KIR2DL4: variants seen among roughly 807,000 people sequenced by gnomAD.
KIR2DL4 encodes killer cell immunoglobulin-like receptor 2DL4.
In KIR2DL4, 41 loss-of-function variants were observed where a neutral mutation model predicts 31.0. The ratio of observed to expected loss-of-function variants is 1.32; its 90% CI spans 1.03 to 1.72. KIR2DL4 has a LOEUF of 1.72. Ranked by LOEUF, KIR2DL4 falls within the 40% of genes most tolerant of loss-of-function variation. The pLI is 0.00. For missense variants in KIR2DL4, 438 were observed against 353.7 expected (o/e 1.24, Z -1.91); for synonymous variants, 164 against 133.6 (o/e 1.23, Z -1.57).
At position 54,803,967 on chromosome 19, in the gene KIR2DL4, A is replaced by G. The variant is rs754542587; in HGVS notation, c.76+41A>G. 5 of 1,576,300 alleles carry G rather than the reference A, an allele frequency of 3.2e-6. No individual in the cohort carries two copies. The East Asian group carries it at 6.7e-5, about 21-fold the overall frequency. On this transcript the variant is annotated intron_variant, in intron 2 of 7. Transcript: ENST00000359085. The stretch of plus-strand genomic sequence containing the variant: ...AATGATGGGTTGCCATCTTCACCCC[A>G]ATACAAGTGAATTTTCCAGAAATGG...
At chr19:54,809,926 C>T (rs2060756454) in intron 5 of KIR2DL4, among the ~76,000 whole-genome samples, 2 of 149,640 alleles carry the variant, frequency 1.3e-5, no homozygotes, top group Admixed American at 6.7e-5. Flanking sequence ...CAAGATATGG[C>T]GACTAGGACA....
rs373012127 is a variant in KIR2DL4, at chr19:54,804,822, T to C, written c.106T>C (p.Trp36Arg). 5.6e-6 allele frequency: 9 copies of C among 1,612,212 alleles called. No homozygotes were observed. In the African/African-American group the frequency reaches 1.2e-4, roughly 22 times the overall value. The change falls in exon 3 of 8, where the codon TGG (tryptophan) becomes CGG (arginine). Residue 36 changes from tryptophan (W) to arginine (R), a missense_variant. By Grantham distance (101) the Trp-to-Arg change is moderately radical (BLOSUM62 -3). Transcript: ENST00000359085. ...TCAGGACAAGCCCTTCTGCTCTGCC[T>C]GGCCCAGCGCTGTGGTGCCTCAAGG...
intron 2 of KIR2DL4, among the ~76,000 whole-genome samples, 160 bp downstream of exon 2, chr19:54,804,086 C>T (rs1880176268): frequency 6.6e-6 from 1 of 150,914 alleles, no homozygotes; most frequent in Admixed American, 6.6e-5. Flanking sequence ...TCCTGGGAGT[C>T]TCTCATGAAC....
Position 54,805,948 on chromosome 19 carries a change from C to T in KIR2DL4, c.362-3C>T, listed in dbSNP as rs2060490307. On this transcript the variant is annotated splice_region_variant and splice_polypyrimidine_tract_variant and intron_variant, in intron 3 of 7. Coordinates refer to ENST00000359085, the Ensembl canonical transcript of KIR2DL4. ...CTGAGGAAACTGCCTCTTCTCCTTC[C>T]AGGTCTATATGAGAAACCTTCGCTT... The T allele has an allele frequency of 1.2e-6, 2 of 1,600,296 alleles. 1 individual carries two copies.
chr19:54,813,895 C>A, exon 8 of KIR2DL4: 1 of 1,612,396 alleles, frequency 6.2e-7, no homozygotes, highest in Non-Finnish European at 8.5e-7. Context: ...TGGATCACTG[C>A]ATTTTCACAC....
At chr19:54,806,736 G>A (rs34887390) in intron 4 of KIR2DL4, among the ~76,000 whole-genome samples, 17,995 of 150,498 alleles carry the variant, frequency 0.12, 1,489 homozygotes, top group Non-Finnish European at 0.15. Context: ...TGCTGTGTGC[G>A]GTGGCTCATG....
chr19:54,813,814 C>T (rs1601239540), intron 7 of KIR2DL4, 28 bp from the exon 7 acceptor site: 2 of 1,612,084 alleles, frequency 1.2e-6, no homozygotes, highest in African/African-American at 1.3e-5. Flanking sequence ...TGAACACCCT[C>T]CCTCACTCAG....
intron 5 of KIR2DL4, among the ~76,000 whole-genome samples, chr19:54,811,195 C>A (rs1302891784): frequency 6.6e-6 from 1 of 150,792 alleles, no homozygotes; most frequent in Non-Finnish European, 1.5e-5. Context: ...ATCAGGAGTT[C>A]GAGATCAGCC....
In KIR2DL4 at chr19:54,810,273, C is replaced by T. The variant is rs1262672959; in HGVS notation, c.706+1390C>T. ...GGCTGGGATTACACCCATGTCCCAC[C>T]ACGCCTGGCTAATTTTTTTTTGGTA... is the stretch of plus-strand genomic sequence containing the variant. On this transcript the variant is annotated intron_variant, in intron 5 of 7. Transcript: ENST00000359085. Among the ~76,000 whole-genome samples, 13 of 146,134 alleles carry T rather than the reference C, an allele frequency of 8.9e-5. 2 individuals are homozygous for T. The highest frequency in any genetic ancestry group is 5.0e-5 in the African/African-American group (2 of 39,616).
rs925567219 is a variant in KIR2DL4 at position 54,803,630 on chromosome 19, T to C, written c.-22T>C. The C allele has an allele frequency of 1.3e-4, 214 of 1,611,994 alleles. 14 individuals are homozygous for C. The South Asian group carries it at 2.3e-3, about 17-fold the overall frequency. On this transcript the variant is annotated 5_prime_UTR_variant, in exon 1 of 8. Coordinates refer to ENST00000359085, the Ensembl canonical transcript of KIR2DL4. ...CGGTCAGTCGAGCCGAGTCACTGCGTCCTGGCAGCAGAAGCTGCACCATGT... is the reference window on the plus strand; with the variant it reads ...CGGTCAGTCGAGCCGAGTCACTGCGCCCTGGCAGCAGAAGCTGCACCATGT...
At chr19:54,807,587 G>C (rs1176784322) in intron 4 of KIR2DL4, among the ~76,000 whole-genome samples, 1 of 149,142 alleles carries the variant, frequency 6.7e-6, no homozygotes, top group African/African-American at 2.5e-5. Flanking sequence ...ACTGGTGCCC[G>C]CCACCACGCC....
chr19:54,806,964 G>A (rs2060569348), intron 4 of KIR2DL4, among the ~76,000 whole-genome samples: 1 of 150,836 alleles, frequency 6.6e-6, no homozygotes, highest in African/African-American at 2.5e-5. Flanking sequence ...GCAGTGAGCT[G>A]AGATCATGCC....
rs1312253810 is a variant in KIR2DL4 at position 54,814,185 on chromosome 19, T to C, written c.*385T>C. The stretch of plus-strand genomic sequence containing the variant: ...CTGGTGCCTGTCTCTTGCTTACCAA[T>C]GTCTAAGGTCCCCACTGCCTGCTGC... On this transcript the variant is annotated 3_prime_UTR_variant, in exon 8 of 8. Coordinates refer to ENST00000359085, the Ensembl canonical transcript of KIR2DL4. 5.9e-6 allele frequency: 9 copies of C among 1,519,906 alleles called. No homozygotes were observed. The East Asian group carries it at 1.8e-4, about 30-fold the overall frequency. 94.2% of individuals were successfully genotyped at this position (1,519,906 alleles called of 1,614,324 possible).
At chr19:54,809,882 G>T (rs1376033473) in intron 5 of KIR2DL4, among the ~76,000 whole-genome samples, 1 of 150,402 alleles carries the variant, frequency 6.6e-6, no homozygotes, top group Non-Finnish European at 1.5e-5. Flanking sequence ...TCTGCAATCT[G>T]CATTCCTTTT....
rs761710691 is a variant in KIR2DL4, at chr19:54,803,739, A to C, written c.40+48A>C. On this transcript the variant is annotated intron_variant, in intron 1 of 7. Coordinates refer to ENST00000359085, the Ensembl canonical transcript of KIR2DL4. ...CACCAGGGTTACACTATGGGCCTGC[A>C]GATTGGGTGTCTCCCCAGCAGAGAG... The C allele has an allele frequency of 1.3e-5, 20 of 1,593,372 alleles. No individual in the cohort carries two copies. The African/African-American group carries it at 2.7e-4, about 22-fold the overall frequency.
intron 4 of KIR2DL4, among the ~76,000 whole-genome samples, chr19:54,808,299 A>T (rs1302533493): frequency 6.6e-6 from 1 of 151,010 alleles, no homozygotes. Flanking sequence ...GTCCTGGAGC[A>T]TTTCTCCAGT....
At position 54,803,726 on chromosome 19, in the gene KIR2DL4, A is replaced by G. The variant is rs768038326; in HGVS notation, c.40+35A>G. On this transcript the variant is annotated intron_variant, in intron 1 of 7. Transcript: ENST00000359085. ...GGAAGGGAAGGAGCACCAGGGTTAC[A>G]CTATGGGCCTGCAGATTGGGTGTCT... 7.2e-5 allele frequency: 116 copies of G among 1,604,326 alleles called. 7 individuals carry two copies. Among genetic ancestry groups the G allele is most frequent in the Admixed American group, 2.0e-4 (12 of 59,864 alleles).
At chr19:54,803,629 G>T in exon 1 of KIR2DL4, 2 of 1,612,130 alleles carry the variant, frequency 1.2e-6, no homozygotes, top group Non-Finnish European at 8.5e-7. Flanking sequence ...GAGTCACTGC[G>T]TCCTGGCAGC....
intron 3 of KIR2DL4, 129 bp from the exon 4 acceptor site, chr19:54,805,822 G>T (rs2060481290): frequency 1.1e-6 from 1 of 872,890 alleles, no homozygotes; most frequent in Non-Finnish European, 1.8e-6. Flanking sequence ...GGAAGAGTTG[G>T]GGGTGGAGGG....
Sources: gnomAD v4.1 joint callset for allele counts (sites outside exome capture counted in the v4.1 genomes callset) on GRCh38, gnomAD v4.1.1 for gene constraint, MANE v1.5 for transcripts, NCBI Gene and HGNC (gene_info 2026-07-23, HGNC 2026-07-21) for gene names.